CCNJL: variants seen among roughly 807,000 people sequenced by gnomAD.
CCNJL encodes the protein cyclin J like.
In CCNJL, 33 loss-of-function variants were observed where a neutral mutation model predicts 33.4. The ratio of observed to expected loss-of-function variants is 0.99; its 90% CI spans 0.75 to 1.32. The LOEUF is 1.32. Ranked by LOEUF, CCNJL falls within the 40% of genes most tolerant of loss-of-function variation. CCNJL has a pLI of 0.00. For missense variants in CCNJL, 512 were observed against 499.7 expected (o/e 1.02, Z -0.23); for synonymous variants, 227 against 220.9 (o/e 1.03, Z -0.24).
At chr5:160,337,697 T>C (rs1763700095) in intron 1 of CCNJL, among the ~76,000 whole-genome samples, 1 of 152,140 alleles carries the variant, frequency 6.6e-6, no homozygotes, top group South Asian at 2.1e-4. Context: ...TTTGTGCCAT[T>C]GGAGATTTGT....
intron 2 of CCNJL, among the ~76,000 whole-genome samples, chr5:160,295,380 T>G (rs1762721729): frequency 6.6e-6 from 1 of 152,056 alleles, no homozygotes; most frequent in Non-Finnish European, 1.5e-5. Context: ...TCCCAGCTAC[T>G]CGGGAGGCTG....
At chr5:160,262,428 G>C (rs1018743229) in intron 3 of CCNJL, among the ~76,000 whole-genome samples, 2 of 152,198 alleles carry the variant, frequency 1.3e-5, no homozygotes, top group Admixed American at 1.3e-4. Flanking sequence ...CACACGGCAG[G>C]CCACAGCCAG....
intron 2 of CCNJL, among the ~76,000 whole-genome samples, chr5:160,302,935 A>C (rs955199131): frequency 2.0e-5 from 3 of 152,236 alleles, no homozygotes; most frequent in African/African-American, 7.2e-5. Context: ...TTATGCACAG[A>C]ATAGGATTCA....
rs889487709 is a variant in CCNJL at position 160,249,208 on chromosome 5, T to C, written c.*4170A>G. On this transcript the variant is annotated 3_prime_UTR_variant, in exon 6 of 6. Coordinates refer to ENST00000257536, the MANE Select transcript of CCNJL (RefSeq NM_001308173.3). ...CTTAATTACATCCAGAAAGGACACTTGCATGCTAGTTTATCTATGGTCAGT... is the reference window on the plus strand; with the variant it reads ...CTTAATTACATCCAGAAAGGACACTCGCATGCTAGTTTATCTATGGTCAGT... 9.2e-5 allele frequency: 14 copies of C among 152,224 alleles called. No homozygotes were observed. The highest frequency in any genetic ancestry group is 1.4e-4 in the African/African-American group (6 of 41,448). The allele number at this position is 152,224 out of a possible 1,614,324, so 9.4% of individuals were successfully genotyped here.
chr5:160,332,299 TG>T (rs541779520), intron 1 of CCNJL, among the ~76,000 whole-genome samples: 157 of 152,310 alleles, frequency 1.0e-3, no homozygotes, highest in African/African-American at 3.7e-3. Flanking sequence ...ACGACTTCCC[TG>T]GTCCAAGCTG....
At chr5:160,285,801 T>C (rs868417728) in intron 2 of CCNJL, among the ~76,000 whole-genome samples, 11 of 152,238 alleles carry the variant, frequency 7.2e-5, no homozygotes, top group South Asian at 2.1e-4. Context: ...CTGAGGGCAA[T>C]AGAAACTGAA....
chr5:160,317,672 A>G (rs1310183805), upstream of CCNJL, among the ~76,000 whole-genome samples: 3 of 152,114 alleles, frequency 2.0e-5, no homozygotes, highest in African/African-American at 7.2e-5. Context: ...TGTGCTTTCT[A>G]TTTGAACTAG....
intron 4 of CCNJL, among the ~76,000 whole-genome samples, chr5:160,256,104 G>A (rs1761052892): frequency 6.6e-6 from 1 of 152,124 alleles, no homozygotes; most frequent in Non-Finnish European, 1.5e-5. Context: ...ATTCAGGCTG[G>A]TATCGAACTC....
intron 1 of CCNJL, among the ~76,000 whole-genome samples, chr5:160,321,868 A>G (rs1404166435): frequency 7.9e-5 from 12 of 152,128 alleles, no homozygotes; most frequent in Non-Finnish European, 7.4e-5. Context: ...CAAAAAATAT[A>G]TATATTATTA....
In CCNJL at chr5:160,298,259, C is replaced by T. The variant is rs1762812626; in HGVS notation, c.66+13599G>A. Among the ~76,000 whole-genome samples the T allele has an allele frequency of 2.6e-5, 4 of 152,178 alleles. No homozygotes were observed. The South Asian group carries it at 8.3e-4, about 32-fold the overall frequency. On this transcript the variant is annotated intron_variant, in intron 2 of 5. Coordinates refer to ENST00000257536, the MANE Select transcript of CCNJL (RefSeq NM_001308173.3). ...CCTGTAATCCCAGCTACTCAGAAGG[C>T]TGAGGCATGAGAATCGCTTGAATCC... is the stretch of plus-strand genomic sequence containing the variant.
At chr5:160,310,195 G>A (rs1193597043) in intron 2 of CCNJL, among the ~76,000 whole-genome samples, 2 of 152,138 alleles carry the variant, frequency 1.3e-5, no homozygotes, top group Non-Finnish European at 2.9e-5. Flanking sequence ...GTCCTCACTA[G>A]CTCCATTCAG....
chr5:160,326,564 C>A, intron 1 of CCNJL: 11 of 324,334 alleles, frequency 3.4e-5, no homozygotes, highest in South Asian at 1.3e-4. Context: ...AAAACGATTA[C>A]ACTGCCAATA....
In CCNJL at chr5:160,249,797, TAAA is replaced by T. The variant is rs1760758441; in HGVS notation, c.*3578_*3580del. 1 of 136,070 alleles carries T rather than the reference TAAA, an allele frequency of 7.3e-6. No individual in the cohort carries two copies. The highest frequency in any genetic ancestry group is 1.5e-5 in the Non-Finnish European group (1 of 65,610). The allele number at this position is 136,070 out of a possible 1,614,324, so 8.4% of individuals were successfully genotyped here. Reference sequence around the variant, plus strand: ...ATAAATAAATAAATAAATAAATAAATAAATAAATAAAATAAAAATTTAAAAAAT... The same window carrying T: ...ATAAATAAATAAATAAATAAATAAATTAAATAAAATAAAAATTTAAAAAAT... On this transcript the variant is annotated 3_prime_UTR_variant, in exon 6 of 6. Coordinates refer to ENST00000257536, the MANE Select transcript of CCNJL (RefSeq NM_001308173.3).
chr5:160,316,552 A>G (rs1272444070), upstream of CCNJL, among the ~76,000 whole-genome samples: 1 of 152,144 alleles, frequency 6.6e-6, no homozygotes, highest in Non-Finnish European at 1.5e-5. Flanking sequence ...CAAACTCTCA[A>G]ACATGGAAAA....
chr5:160,298,060 G>A (rs893404692), intron 2 of CCNJL, among the ~76,000 whole-genome samples: 4 of 152,242 alleles, frequency 2.6e-5, no homozygotes, highest in South Asian at 2.1e-4. Context: ...AAGGTCAGGC[G>A]GGGACAGCAG....
intron 3 of CCNJL, among the ~76,000 whole-genome samples, chr5:160,279,480 C>A (rs923893492): frequency 3.9e-5 from 6 of 152,206 alleles, no homozygotes; most frequent in African/African-American, 1.4e-4. Context: ...TGAGGTCTTA[C>A]TATGTGCCAA....
chr5:160,302,822 A>T (rs112349136), intron 2 of CCNJL, among the ~76,000 whole-genome samples: 38,169 of 150,304 alleles, frequency 0.25, 4,966 homozygotes, highest in South Asian at 0.33. Flanking sequence ...AATAAAAAAA[A>T]AAAAATAATA....
chr5:160,321,499 A>G (rs1289376465), intron 1 of CCNJL, among the ~76,000 whole-genome samples: 3 of 152,196 alleles, frequency 2.0e-5, no homozygotes, highest in Non-Finnish European at 2.9e-5. Context: ...GCAAAGACCC[A>G]AAGTTCAAGA....
intron 1 of CCNJL, among the ~76,000 whole-genome samples, chr5:160,320,789 C>CTT (rs57879371): frequency 2.8e-5 from 1 of 35,956 alleles, no homozygotes; most frequent in African/African-American, 6.3e-5. Context: ...TCTTTCTTTC[C>CTT]TTTCTTTCTT....
Sources: allele counts gnomAD v4.1 joint callset (sites outside exome capture counted in the v4.1 genomes callset), GRCh38; gene constraint gnomAD v4.1.1; transcripts MANE v1.5; gene names NCBI Gene and HGNC (gene_info 2026-07-23, HGNC 2026-07-21).